Variants in PDE1C observed in about 807,000 individuals in gnomAD.
PDE1C encodes the protein dual specificity calcium/calmodulin-dependent 3',5'-cyclic nucleotide phosphodiesterase 1C.
PDE1C carries 62 observed loss-of-function variants against 93.1 expected under a neutral mutation model. The observed-to-expected ratio is 0.67, with a 90% CI of 0.54 to 0.82. The LOEUF (loss-of-function observed/expected upper bound fraction) is 0.82, where lower values mean the gene tolerates loss of function less well. Ranked by LOEUF, PDE1C falls within the 40% of genes least tolerant of loss-of-function variation. PDE1C has a pLI of 0.00. For missense variants in PDE1C, 742 were observed against 884.6 expected, an observed-to-expected ratio of 0.84 and a Z score of 2.04; for synonymous variants, 325 against 310.1, an observed-to-expected ratio of 1.05 and a Z score of -0.50.
intron 17 of PDE1C, among the ~76,000 whole-genome samples, chr7:31,762,817 A>G (rs1794917463): frequency 6.6e-6 from 1 of 152,176 alleles, no homozygotes; most frequent in African/African-American, 2.4e-5. Flanking sequence ...TGTCTGAACC[A>G]AACGGCCACT....
chr7:31,618,737 A>T, the PDE1C span, among the ~76,000 whole-genome samples: 1 of 152,212 alleles, frequency 6.6e-6, no homozygotes, highest in African/African-American at 2.4e-5. Flanking sequence ...AAAGCTAAGC[A>T]ACTTGCTCAA....
intron 2 of PDE1C, among the ~76,000 whole-genome samples, chr7:31,970,605 G>C (rs1263602629): frequency 6.6e-6 from 1 of 152,196 alleles, no homozygotes; most frequent in Non-Finnish European, 1.5e-5. Context: ...TGATTGTTGA[G>C]TAAACAACTT....
At chr7:32,058,605 T>A (rs543408905) in intron 1 of PDE1C, among the ~76,000 whole-genome samples, 10 of 152,338 alleles carry the variant, frequency 6.6e-5, no homozygotes, top group Admixed American at 2.6e-4. Flanking sequence ...TACGCGCTAC[T>A]GAGAATGGAA....
At chr7:31,831,818 A>G (rs1168686500) in intron 11 of PDE1C, among the ~76,000 whole-genome samples, 1 of 152,090 alleles carries the variant, frequency 6.6e-6, no homozygotes, top group African/African-American at 2.4e-5. Flanking sequence ...GATAAAAGAA[A>G]AAGAGCAAAG....
intron 3 of PDE1C, among the ~76,000 whole-genome samples, chr7:32,129,236 G>A (rs2128770216): frequency 6.6e-6 from 1 of 151,654 alleles, no homozygotes; most frequent in African/African-American, 2.4e-5. Flanking sequence ...CCACCATACT[G>A]AAGATGCACA....
intron 1 of PDE1C, among the ~76,000 whole-genome samples, chr7:32,289,095 A>T (rs1261118603): frequency 6.6e-6 from 1 of 152,174 alleles, no homozygotes; most frequent in Admixed American, 6.5e-5. Context: ...AACAAACAAG[A>T]TTCAGAAAGG....
chr7:31,818,989 C>T (rs775179658), intron 14 of PDE1C, among the ~76,000 whole-genome samples: 3 of 151,946 alleles, frequency 2.0e-5, no homozygotes, highest in Admixed American at 6.6e-5. Context: ...AAACTGGTGG[C>T]GGGGGGTATA....
chr7:31,973,198 T>C (rs765917016), intron 2 of PDE1C, among the ~76,000 whole-genome samples: 15 of 151,912 alleles, frequency 9.9e-5, no homozygotes, highest in South Asian at 4.2e-4. Flanking sequence ...GATAGAACAA[T>C]AGAAAGAGAC....
At chr7:31,931,642 T>C (rs549663799) in intron 2 of PDE1C, among the ~76,000 whole-genome samples, 2 of 152,220 alleles carry the variant, frequency 1.3e-5, no homozygotes, top group East Asian at 3.9e-4. Flanking sequence ...AGAATCAATA[T>C]CGTGAAAATG....
intron 3 of PDE1C, among the ~76,000 whole-genome samples, chr7:32,094,894 G>T (rs1419467954): frequency 6.6e-6 from 1 of 152,118 alleles, no homozygotes; most frequent in African/African-American, 2.4e-5. Flanking sequence ...CAACCACACT[G>T]CTTGGAGTTC....
At chr7:31,760,115 A>C (rs543941235) in intron 17 of PDE1C, among the ~76,000 whole-genome samples, 1 of 152,310 alleles carries the variant, frequency 6.6e-6, no homozygotes, top group East Asian at 1.9e-4. Flanking sequence ...GGGTTTCCTC[A>C]ATCAAATTTA....
the PDE1C span, among the ~76,000 whole-genome samples, chr7:31,728,511 A>G: frequency 6.6e-6 from 1 of 152,184 alleles, no homozygotes; most frequent in South Asian, 2.1e-4. Flanking sequence ...AAGCTATTTC[A>G]TAGTCTTTAT....
In PDE1C at chr7:31,837,927, A is replaced by G. The variant is rs750718403; in HGVS notation, c.1025T>C (p.Met342Thr). ...LVIEMVMATD[M>T]SCHFQQIKAM... ...TTTGATTTGTTGGAAGTGACAAGACATATCTGTGGCCATCACCATTTCAAT... is the reference window on the plus strand; with the variant it reads ...TTTGATTTGTTGGAAGTGACAAGACGTATCTGTGGCCATCACCATTTCAAT... The change falls in exon 10 of 18, where the codon ATG becomes ACG. Residue 342 changes from methionine to threonine, a missense_variant. Around this residue, in one of 4 missense-constraint regions of PDE1C, gnomAD observed 454 missense variants for 459.4 expected, o/e 0.99. Coordinates refer to ENST00000396191, the MANE Select transcript of PDE1C (RefSeq NM_001191057.4). The G allele has an allele frequency of 3.1e-6, 5 of 1,613,708 alleles. No homozygotes were observed. Among genetic ancestry groups the G allele is most frequent in the South Asian group, 2.2e-5 (2 of 91,080 alleles).
At chr7:32,182,735 G>A (rs1803533028) in intron 2 of PDE1C, among the ~76,000 whole-genome samples, 1 of 152,120 alleles carries the variant, frequency 6.6e-6, no homozygotes, top group Admixed American at 6.5e-5. Context: ...TTTGAAAACT[G>A]GCACAAGACA....
intron 3 of PDE1C, among the ~76,000 whole-genome samples, chr7:32,126,510 T>A (rs1358503498): frequency 6.6e-6 from 1 of 152,084 alleles, no homozygotes; most frequent in Admixed American, 6.5e-5. Context: ...TCTGGCTAGA[T>A]AACTAAGGAA....
intron 3 of PDE1C, among the ~76,000 whole-genome samples, chr7:32,167,136 A>G (rs1255414786): frequency 2.0e-5 from 3 of 152,218 alleles, no homozygotes; most frequent in Non-Finnish European, 4.4e-5. Flanking sequence ...TAAATTTATA[A>G]ACACTTCGTA....
chr7:32,024,881 A>G (rs1789196759), intron 2 of PDE1C, among the ~76,000 whole-genome samples: 1 of 152,088 alleles, frequency 6.6e-6, no homozygotes, highest in Admixed American at 6.6e-5. Flanking sequence ...ATATAACCCC[A>G]CTACCTTTCC....
intron 14 of PDE1C, among the ~76,000 whole-genome samples, chr7:31,821,959 T>C (rs1307337320): frequency 6.6e-6 from 1 of 151,956 alleles, no homozygotes; most frequent in Non-Finnish European, 1.5e-5. Flanking sequence ...AAATGTGAGA[T>C]GTTGTGTTTG....
chr7:32,233,674 C>G (rs997946901), intron 1 of PDE1C, among the ~76,000 whole-genome samples: 2 of 152,012 alleles, frequency 1.3e-5, no homozygotes, highest in Non-Finnish European at 2.9e-5. Context: ...AACAAAGCTT[C>G]AAAATACAGG....
Sources: allele counts gnomAD v4.1 joint callset (sites outside exome capture counted in the v4.1 genomes callset), GRCh38; gene constraint gnomAD v4.1.1; regional missense constraint gnomAD v4.1.1; transcripts MANE v1.5; gene names NCBI Gene and HGNC (gene_info 2026-07-23, HGNC 2026-07-21).